Variants in ZNF292 observed in about 807,000 individuals in gnomAD.
ZNF292 encodes the protein 16 zinc-finger domain protein.
ZNF292 carries 26 observed loss-of-function variants against 217.9 expected under a neutral mutation model. The ratio of observed to expected loss-of-function variants is 0.12; its 90% CI spans 0.09 to 0.17. The LOEUF (loss-of-function observed/expected upper bound fraction) is 0.17. ZNF292 is among the 10% of genes least tolerant of loss of function. The pLI, the probability that ZNF292 is intolerant of heterozygous loss-of-function variation, is 1.00. For missense variants in ZNF292, 2,904 were observed against 3,175.2 expected, an observed-to-expected ratio of 0.91 and a Z score of 2.05; for synonymous variants, 1,257 against 1,124.1, an observed-to-expected ratio of 1.12 and a Z score of -2.37.
At chr6:87,169,237 C>T (rs908884062) in intron 1 of ZNF292, among the ~76,000 whole-genome samples, 4 of 151,928 alleles carry the variant, frequency 2.6e-5, no homozygotes, top group African/African-American at 7.3e-5. Context: ...GACGGGGTTT[C>T]ACCACGTTGG....
chr6:87,176,470 A>G (rs527604498), intron 1 of ZNF292, among the ~76,000 whole-genome samples: 2 of 152,152 alleles, frequency 1.3e-5, no homozygotes, highest in African/African-American at 2.4e-5. Flanking sequence ...CTTATGACTT[A>G]CTTTAGGGGA....
intron 1 of ZNF292, among the ~76,000 whole-genome samples, chr6:87,187,010 C>CTA (rs1052270389): frequency 6.6e-6 from 1 of 152,104 alleles, no homozygotes; most frequent in African/African-American, 2.4e-5. Context: ...CAGTTCAGGA[C>CTA]TATAGTTGTA....
chr6:87,261,948 G>A lies in ZNF292; in HGVS notation c.*147G>A, dbSNP rs1344361271. On this transcript the variant is annotated 3_prime_UTR_variant, in exon 8 of 8. Coordinates refer to ENST00000369577, the MANE Select transcript of ZNF292 (RefSeq NM_015021.3). ...AAAACAAAAAAGAAAAAAAAAACAT[G>A]ACATTTGTCATGTAAAACTTTTTTT... The A allele has an allele frequency of 6.9e-6, 4 of 583,930 alleles. No individual in the cohort carries two copies. The highest frequency in any genetic ancestry group is 3.2e-5 in the East Asian group (1 of 31,372). The allele number at this position is 583,930 out of a possible 1,614,324, so 36.2% of individuals were successfully genotyped here.
chr6:87,195,172 T>C (rs1401763167), intron 1 of ZNF292, among the ~76,000 whole-genome samples: 1 of 152,180 alleles, frequency 6.6e-6, no homozygotes, highest in East Asian at 1.9e-4. Context: ...GTTAGTAGTT[T>C]AAGACAAAGT....
intron 1 of ZNF292, among the ~76,000 whole-genome samples, chr6:87,159,150 TAGA>T (rs768090399): frequency 3.3e-5 from 5 of 152,142 alleles, no homozygotes; most frequent in Non-Finnish European, 7.4e-5. Context: ...TTGAGTGAGG[TAGA>T]AGATTAATAG....
chr6:87,208,004 G>T (rs571114712), intron 1 of ZNF292, among the ~76,000 whole-genome samples: 1 of 152,114 alleles, frequency 6.6e-6, no homozygotes, highest in South Asian at 2.1e-4. Context: ...GAAAAAATGT[G>T]CCTAGAAGGT....
chr6:87,202,434 C>T (rs961583151), intron 1 of ZNF292, among the ~76,000 whole-genome samples: 2 of 152,150 alleles, frequency 1.3e-5, no homozygotes, highest in Non-Finnish European at 2.9e-5. Flanking sequence ...GAAGTTCTTA[C>T]GTGTGCATTG....
rs1294828295 is a variant in ZNF292, at chr6:87,262,209, A to G, written c.*408A>G. ...GCTGCCACCAGCAGTCTGTAAGTCT[A>G]AACTATTAAATGACACATTTATATT... On this transcript the variant is annotated 3_prime_UTR_variant, in exon 8 of 8. Coordinates refer to ENST00000369577, the MANE Select transcript of ZNF292 (RefSeq NM_015021.3). 2 of 152,756 alleles carry G rather than the reference A, an allele frequency of 1.3e-5. No homozygotes were observed. The highest frequency in any genetic ancestry group is 2.4e-5 in the African/African-American group (1 of 41,470). 9.5% of individuals were successfully genotyped at this position (152,756 alleles called of 1,614,324 possible).
intron 1 of ZNF292, 35 bp from the exon 2 acceptor site, chr6:87,215,868 A>G (rs1186856653): frequency 2.6e-6 from 4 of 1,524,790 alleles, no homozygotes; most frequent in Admixed American, 4.8e-5. Context: ...TTTGATTTAC[A>G]TTTTGAATAC....
chr6:87,179,933 C>G (rs1385121110), intron 1 of ZNF292, among the ~76,000 whole-genome samples: 1 of 152,100 alleles, frequency 6.6e-6, no homozygotes, highest in Admixed American at 6.5e-5. Flanking sequence ...TTGCTTCTGC[C>G]ATGTTTTATT....
At chr6:87,181,210 A>C (rs1450270574) in intron 1 of ZNF292, among the ~76,000 whole-genome samples, 2 of 152,060 alleles carry the variant, frequency 1.3e-5, no homozygotes, top group Non-Finnish European at 2.9e-5. Flanking sequence ...AGCGTCCCGG[A>C]TCACACGCAG....
intron 1 of ZNF292, among the ~76,000 whole-genome samples, chr6:87,162,294 A>G (rs1190636036): frequency 3.3e-5 from 5 of 152,276 alleles, no homozygotes; most frequent in Admixed American, 2.0e-4. Context: ...TATTTAGGAC[A>G]TTTCTTTGTA....
chr6:87,175,786 C>T (rs1006261155), intron 1 of ZNF292, among the ~76,000 whole-genome samples: 3 of 152,192 alleles, frequency 2.0e-5, no homozygotes, highest in African/African-American at 4.8e-5. Flanking sequence ...CATAAACTTT[C>T]ATATTGAAAT....
At position 87,257,193 on chromosome 6, in the gene ZNF292, G is replaced by A. The variant is rs369452734; in HGVS notation, c.3564G>A (p.Ser1188=). The change falls in exon 8 of 8, where the codon TCG becomes TCA. Residue 1188 remains serine (S), a synonymous_variant. Transcript: ENST00000369577. The part of the protein sequence containing the change: ...PACSAQLQHV[S]PPIFPAHLAS... ...GTTCGGCCCAGTTGCAGCATGTCTC[G>A]CCACCCATTTTTCCAGCTCATTTAG... 106 of 1,613,648 alleles carry A rather than the reference G, an allele frequency of 6.6e-5. No individual in the cohort carries two copies. In the East Asian group the frequency reaches 1.0e-3, roughly 16 times the overall value.
chr6:87,239,022 C>T (rs1400511130), intron 5 of ZNF292, among the ~76,000 whole-genome samples: 2 of 152,212 alleles, frequency 1.3e-5, no homozygotes, highest in African/African-American at 4.8e-5. Context: ...CAACAGCATC[C>T]CAAGGCAGAA....
At chr6:87,209,934 T>A (rs1007514172) in intron 1 of ZNF292, among the ~76,000 whole-genome samples, 2 of 152,124 alleles carry the variant, frequency 1.3e-5, no homozygotes, top group South Asian at 4.1e-4. Context: ...TAGATGTAAA[T>A]TGGAAGTGGA....
chr6:87,250,049 C>T lies in ZNF292; in HGVS notation c.1020+4405C>T, dbSNP rs1377174929. On this transcript the variant is annotated intron_variant, in intron 7 of 7. Transcript: ENST00000369577. Reference sequence around the variant, plus strand: ...AAAAAAAAAAAAACAAAAAAAAAAACTCCAGGAATTGAAGACTATCAACCA... The same window carrying T: ...AAAAAAAAAAAAACAAAAAAAAAAATTCCAGGAATTGAAGACTATCAACCA... Among the ~76,000 whole-genome samples, 6 of 125,648 alleles carry T rather than the reference C, an allele frequency of 4.8e-5. 1 individual carries two copies. In the East Asian group the frequency reaches 1.5e-3, roughly 31 times the overall value. The allele number at this position is 125,648 out of a possible 152,430, so 82.4% of individuals were successfully genotyped here. A position where few individuals can be genotyped will look rare whatever the true frequency, so the allele number is the denominator to read the frequency against.
chr6:87,259,819 T>G lies in ZNF292; in HGVS notation c.6190T>G (p.Ser2064Ala). Reference sequence around the variant, plus strand: ...TTCTTTACAAGTGATTACAGTTACTTCAGAACAATGTAATACAAATGCACT... The same window carrying G: ...TTCTTTACAAGTGATTACAGTTACTGCAGAACAATGTAATACAAATGCACT... ...ESSLQVITVT[S>A]EQCNTNALTN... is the part of the protein sequence containing the mutation. Residue 2064 changes from serine to alanine, a missense_variant, in exon 8 of 8, where the codon TCA (serine) becomes GCA (alanine). Physicochemically the swap from Ser to Ala is moderately conservative, Grantham distance 99. Around this residue, in one of 15 missense-constraint regions of ZNF292, gnomAD observed 261 missense variants for 272.8 expected, o/e 0.96. Transcript: ENST00000369577. 1 of 1,611,688 alleles carries G rather than the reference T, an allele frequency of 6.2e-7. No homozygotes were observed. The highest frequency in any genetic ancestry group is 8.5e-7 in the Non-Finnish European group (1 of 1,178,798).
intron 1 of ZNF292, among the ~76,000 whole-genome samples, chr6:87,210,231 G>A (rs942996795): frequency 2.0e-5 from 3 of 152,044 alleles, no homozygotes; most frequent in African/African-American, 7.2e-5. Context: ...TTCTCAAGGG[G>A]TTAAAAATTG....
Sources: allele counts gnomAD v4.1 joint callset (sites outside exome capture counted in the v4.1 genomes callset), GRCh38; gene constraint gnomAD v4.1.1; regional missense constraint gnomAD v4.1.1; transcripts MANE v1.5; gene names NCBI Gene and HGNC (gene_info 2026-07-23, HGNC 2026-07-21).